SPTA1: variants seen among roughly 807,000 people sequenced by gnomAD.
SPTA1 encodes spectrin alpha chain, erythrocytic 1.
In SPTA1, 177 loss-of-function variants were observed where a neutral mutation model predicts 324.7. The observed-to-expected ratio is 0.55, with a 90% CI of 0.48 to 0.62. SPTA1 has a LOEUF of 0.62. Among genes scored for constraint, SPTA1 ranks in the 20% least tolerant of loss-of-function variants. The pLI, the probability that SPTA1 is intolerant of heterozygous loss-of-function variation, is 0.00. For synonymous variants in SPTA1, 1,195 were observed against 1,041.3 expected, an observed-to-expected ratio of 1.15 and a Z score of -2.84; for missense variants, 3,162 against 2,883.6, an observed-to-expected ratio of 1.10 and a Z score of -2.21.
intron 38 of SPTA1, among the ~76,000 whole-genome samples, chr1:158,635,325 C>T (rs534903093): frequency 1.3e-5 from 2 of 152,090 alleles, no homozygotes; most frequent in South Asian, 2.1e-4. Context: ...CGCCCCCGCC[C>T]GCTCCCTGCC....
rs1034432655 is a variant in SPTA1, at chr1:158,612,952, A to G, written c.6999T>C (p.Tyr2333=). Residue 2333 remains tyrosine, a synonymous_variant, in exon 51 of 52, where the codon TAT becomes TAC. Transcript: ENST00000643759. The part of the protein sequence containing the change: ...LDAVDPGRKG[Y]VSLEDYTAFL... Reference sequence around the variant, plus strand: ...AAGCAGTATAGTCCTCCAGTGAGACATAGCCCTTCCTGTGGGAGAAATGGA... The same window carrying G: ...AAGCAGTATAGTCCTCCAGTGAGACGTAGCCCTTCCTGTGGGAGAAATGGA... 1 of 1,613,886 alleles carries G rather than the reference A, an allele frequency of 6.2e-7. No homozygotes were observed. Among genetic ancestry groups the G allele is most frequent in the Non-Finnish European group, 8.5e-7 (1 of 1,179,872 alleles).
chr1:158,654,591 A>G lies in SPTA1; in HGVS notation c.3036+20T>C, dbSNP rs1426263697. ...CTGAAAGAGCCACTTTTTGATGGAA[A>G]GATTAGAAGGAAAAGTCACCTTATT... On this transcript the variant is annotated intron_variant, in intron 21 of 51. Transcript: ENST00000643759. 1 of 1,613,880 alleles carries G rather than the reference A, an allele frequency of 6.2e-7. No individual in the cohort carries two copies. Among genetic ancestry groups the G allele is most frequent in the Admixed American group, 1.7e-5 (1 of 59,990 alleles).
chr1:158,661,249 G>A, intron 18 of SPTA1, 38 bp downstream of exon 18: 2 of 1,613,586 alleles, frequency 1.2e-6, no homozygotes, highest in Non-Finnish European at 1.7e-6. Context: ...GGTCTGGCCT[G>A]GTGATGTTTT....
At position 158,627,733 on chromosome 1, in the gene SPTA1, T is replaced by C. The variant is rs140863916; in HGVS notation, c.5566-10A>G. 66 of 1,610,094 alleles carry C rather than the reference T, an allele frequency of 4.1e-5. 1 individual carries two copies. The East Asian group carries it at 1.4e-3, about 34-fold the overall frequency. ...GCTTCATTAGCAAGCTCTGCATAAATAAGTCGGTGAGAATTAAGATATCCA... is the reference window on the plus strand; with the variant it reads ...GCTTCATTAGCAAGCTCTGCATAAACAAGTCGGTGAGAATTAAGATATCCA... On this transcript the variant is annotated splice_polypyrimidine_tract_variant and intron_variant, in intron 39 of 51. Coordinates refer to ENST00000643759, the MANE Select transcript of SPTA1 (RefSeq NM_003126.4).
rs930791594 is a variant in SPTA1, at chr1:158,654,620, G to A, written c.3027C>T (p.Ser1009=). ...TAGAAGGAAAAGTCACCTTATTGAT[G>A]GAACTGAGCAGCGTTAAGACATCAC... ...KKGDVLTLLS[S]INKDWWKVEA... Residue 1009 remains serine (S), a synonymous_variant, in exon 21 of 52, where the codon TCC becomes TCT. Transcript: ENST00000643759. 1 of 1,613,732 alleles carries A rather than the reference G, an allele frequency of 6.2e-7. No homozygotes were observed. Among genetic ancestry groups the A allele is most frequent in the Non-Finnish European group, 8.5e-7 (1 of 1,179,978 alleles).
chr1:158,642,771 C>T, intron 32 of SPTA1, 43 bp downstream of exon 32: 1 of 1,613,552 alleles, frequency 6.2e-7, no homozygotes, highest in African/African-American at 1.3e-5. Context: ...AACCAACAAG[C>T]TCGGAATGGT....
intron 50 of SPTA1, among the ~76,000 whole-genome samples, chr1:158,613,405 T>A (rs1326264888): frequency 6.6e-6 from 1 of 152,084 alleles, no homozygotes; most frequent in East Asian, 1.9e-4. Flanking sequence ...GAATCACCTA[T>A]GTCTCCTTAA....
At chr1:158,666,181 C>T in intron 16 of SPTA1, 135 bp downstream of exon 16, 1 of 758,634 alleles carries the variant, frequency 1.3e-6, no homozygotes, top group Non-Finnish European at 2.2e-6. Context: ...TCAGTGTGCT[C>T]AGAGCATATA....
intron 39 of SPTA1, 38 bp downstream of exon 39, chr1:158,634,505 G>A: frequency 1.2e-6 from 2 of 1,612,244 alleles, no homozygotes; most frequent in South Asian, 1.1e-5. Flanking sequence ...TAACCAAATT[G>A]AAGAGAAGAA....
chr1:158,627,649 T>A lies in SPTA1; in HGVS notation c.5640A>T (p.Ala1880=). Residue 1880 remains alanine (A), a synonymous_variant, in exon 40 of 52, where the codon GCA becomes GCT. Transcript: ENST00000643759. ...VHETRVQNVC[A]QGEDILNKVL... ...CCTTATTTAGGATGTCTTCTCCTTGTGCACACACATTTTGTACTCGGGTCT... is the reference window on the plus strand; with the variant it reads ...CCTTATTTAGGATGTCTTCTCCTTGAGCACACACATTTTGTACTCGGGTCT... 6.2e-7 allele frequency: 1 copy of A among 1,613,584 alleles called. No homozygotes were observed. The highest frequency in any genetic ancestry group is 8.5e-7 in the Non-Finnish European group (1 of 1,179,770).
At chr1:158,664,647 C>A (rs1557974513) in intron 16 of SPTA1, among the ~76,000 whole-genome samples, 2 of 152,132 alleles carry the variant, frequency 1.3e-5, no homozygotes, top group Non-Finnish European at 2.9e-5. Flanking sequence ...GCACATGTAT[C>A]CCAGAACTTA....
chr1:158,663,025 G>A (rs1653353366), intron 16 of SPTA1, 80 bp from the exon 17 acceptor site: 2 of 1,593,246 alleles, frequency 1.3e-6, no homozygotes, highest in South Asian at 2.2e-5. Flanking sequence ...GTGGAAACGG[G>A]GTCATGGGAA....
chr1:158,666,936 C>A (rs949405011), intron 15 of SPTA1, among the ~76,000 whole-genome samples: 3 of 152,106 alleles, frequency 2.0e-5, no homozygotes, highest in Non-Finnish European at 4.4e-5. Flanking sequence ...CGCTTTCCCC[C>A]CTTAGTGCCT....
In SPTA1 at chr1:158,640,795, T is replaced by A. The variant is rs990167400; in HGVS notation, c.4738-788A>T. On this transcript the variant is annotated intron_variant, in intron 33 of 51. Transcript: ENST00000643759. ...GCTACCAATGACTTTCTTCACAGAA[T>A]TGGAAAAAACTACTTTAAAGTTCAT... Among the ~76,000 whole-genome samples the A allele has an allele frequency of 3.3e-5, 5 of 152,240 alleles. No individual in the cohort carries two copies. The East Asian group carries it at 9.6e-4, about 29-fold the overall frequency.
intron 35 of SPTA1, among the ~76,000 whole-genome samples, chr1:158,638,800 A>T (rs551205423): frequency 3.3e-5 from 5 of 151,640 alleles, no homozygotes; most frequent in African/African-American, 1.2e-4. Context: ...TCGTTCCCAT[A>T]CAAGACTGTC....
intron 46 of SPTA1, 101 bp downstream of exon 46, chr1:158,617,938 G>A (rs1649659764): frequency 1.7e-6 from 2 of 1,146,090 alleles, no homozygotes; most frequent in South Asian, 1.3e-5. Context: ...CATACTACCA[G>A]ATTACAATGG....
chr1:158,640,320 C>G (rs759946766), intron 33 of SPTA1, among the ~76,000 whole-genome samples: 18 of 152,138 alleles, frequency 1.2e-4, no homozygotes, highest in Non-Finnish European at 2.2e-4. Flanking sequence ...CCGAAGCTTT[C>G]TTAGTGTTCC....
rs1177353050 is a variant in SPTA1 at position 158,659,595 on chromosome 1, A to AT, written c.2587+1691dup. Reference sequence around the variant, plus strand: ...AAAAGAAAATAATAGTCTTAGCATTATTTTTTTTTTTTTTTTTTTTTTTTT... The same window carrying AT: ...AAAAGAAAATAATAGTCTTAGCATTATTTTTTTTTTTTTTTTTTTTTTTTTT... On this transcript the variant is annotated intron_variant, in intron 18 of 51. Transcript: ENST00000643759. 3.3e-3 allele frequency among the ~76,000 whole-genome samples: 224 copies of AT among 68,772 alleles called. 62 individuals are homozygous for AT. The highest frequency in any genetic ancestry group is 9.2e-3 in the South Asian group (10 of 1,092). The allele number at this position is 68,772 out of a possible 152,430, so 45.1% of individuals were successfully genotyped here.
chr1:158,620,144 G>C (rs954297104), intron 44 of SPTA1, 26 bp downstream of exon 44: 1 of 1,613,788 alleles, frequency 6.2e-7, no homozygotes, highest in Non-Finnish European at 8.5e-7. Flanking sequence ...GTAGTGAAAG[G>C]AAGTTTCTGC....
Sources: allele counts gnomAD v4.1 joint callset (sites outside exome capture counted in the v4.1 genomes callset), GRCh38; gene constraint gnomAD v4.1.1; transcripts MANE v1.5; gene names NCBI Gene and HGNC (gene_info 2026-07-23, HGNC 2026-07-21).